VAMP1: variants seen among roughly 807,000 people sequenced by gnomAD.
The protein encoded by VAMP1 is vesicle associated membrane protein 1.
In VAMP1, 16 loss-of-function variants were observed where a neutral mutation model predicts 19.1. That is an observed-to-expected ratio of 0.84 (90% CI 0.57 to 1.27). The LOEUF (loss-of-function observed/expected upper bound fraction) is 1.27. VAMP1 is among the 50% of genes most tolerant of loss of function. The pLI, the probability that VAMP1 is intolerant of heterozygous loss-of-function variation, is 0.00. For synonymous variants in VAMP1, 37 were observed against 50.2 expected (o/e 0.74, Z 1.11); for missense variants, 109 against 145.4 (o/e 0.75, Z 1.29).
chr12:6,464,601 C>T (rs756331634), intron 4 of VAMP1, 115 bp from the exon 5 acceptor site: 74 of 1,458,700 alleles, frequency 5.1e-5, no homozygotes, highest in Non-Finnish European at 6.5e-5. Context: ...TTAAGTGCCC[C>T]ATCCCCATGG....
At chr12:6,470,427 T>A in intron 1 of VAMP1, 103 bp downstream of exon 1, 2 of 1,558,556 alleles carry the variant, frequency 1.3e-6, no homozygotes, top group Non-Finnish European at 1.8e-6. Flanking sequence ...TTCCCCGCGT[T>A]GCTGCAGCTG....
In VAMP1 at chr12:6,470,600, C is replaced by A; in HGVS notation, c.-69G>T. Reference sequence around the variant, plus strand: ...GCGGCGAGACACCCGGTGAGGGACGCTGCGGCTGAAGTGGACGGAACTGCC... The same window carrying A: ...GCGGCGAGACACCCGGTGAGGGACGATGCGGCTGAAGTGGACGGAACTGCC... On this transcript the variant is annotated 5_prime_UTR_variant, in exon 1 of 5. Transcript: ENST00000396308. 1 of 1,604,064 alleles carries A rather than the reference C, an allele frequency of 6.2e-7. No homozygotes were observed. Among genetic ancestry groups the A allele is most frequent in the Non-Finnish European group, 8.5e-7 (1 of 1,172,394 alleles).
In VAMP1 at chr12:6,462,576, GAA is replaced by G. The variant is rs1949904550; in HGVS notation, c.*1892_*1893del. 3.6e-6 allele frequency: 2 copies of G among 562,642 alleles called. No homozygotes were observed. The highest frequency in any genetic ancestry group is 3.1e-6 in the Non-Finnish European group (1 of 319,378). The allele number at this position is 562,642 out of a possible 1,614,324, so 34.9% of individuals were successfully genotyped here. On this transcript the variant is annotated 3_prime_UTR_variant, in exon 5 of 5. Transcript: ENST00000396308. The stretch of plus-strand genomic sequence containing the variant: ...TACAGGGTGGGTGAGAAAGAAAGTA[GAA>G]GGGCTAATACCCCCAAAGAACAAGG...
chr12:6,463,431 G>A lies in VAMP1; in HGVS notation c.*1039C>T. On this transcript the variant is annotated 3_prime_UTR_variant, in exon 5 of 5. Coordinates refer to ENST00000396308, the MANE Select transcript of VAMP1 (RefSeq NM_014231.5). The surrounding 1 kb of genome is among the most constrained non-coding windows in gnomAD (Gnocchi z 4.0). The stretch of plus-strand genomic sequence containing the variant: ...CCCTGTCTTTGGCAAGTGCACGGGT[G>A]GTGTGGAGGAAAGGATTCCATGGGT... 6.7e-6 allele frequency: 7 copies of A among 1,047,892 alleles called. No homozygotes were observed. The highest frequency in any genetic ancestry group is 8.1e-6 in the Non-Finnish European group (7 of 866,894). The allele number at this position is 1,047,892 out of a possible 1,614,324, so 64.9% of individuals were successfully genotyped here. A position where few individuals can be genotyped will look rare whatever the true frequency, so the allele number is the denominator to read the frequency against.
chr12:6,468,150 G>A lies in VAMP1; in HGVS notation c.3-1799C>T, dbSNP rs536732216. Reference sequence around the variant, plus strand: ...TCACCATTCTCCAGACCCCAGAATGGTAGATCCACTGGTAGCTTGCACCGT... The same window carrying A: ...TCACCATTCTCCAGACCCCAGAATGATAGATCCACTGGTAGCTTGCACCGT... On this transcript the variant is annotated intron_variant, in intron 1 of 4. Coordinates refer to ENST00000396308, the MANE Select transcript of VAMP1 (RefSeq NM_014231.5). 2.0e-5 allele frequency among the ~76,000 whole-genome samples: 3 copies of A among 152,344 alleles called. No individual in the cohort carries two copies. The East Asian group carries it at 5.8e-4, about 29-fold the overall frequency.
intron 2 of VAMP1, 103 bp from the exon 3 acceptor site, chr12:6,466,103 G>A: frequency 6.2e-7 from 1 of 1,609,922 alleles, no homozygotes; most frequent in Non-Finnish European, 8.5e-7. Context: ...ACTCTAAAGG[G>A]TGCTTTGCCT....
In VAMP1 at chr12:6,467,575, C is replaced by A. The variant is rs574495176; in HGVS notation, c.3-1224G>T. ...AAAGACGCAGTACTAAAGAAAAAAA[C>A]CATTTTTTTGAGAAGAAATTCAAGG... On this transcript the variant is annotated intron_variant, in intron 1 of 4. Transcript: ENST00000396308. Among the ~76,000 whole-genome samples, 179 of 152,296 alleles carry A rather than the reference C, an allele frequency of 1.2e-3. 1 individual carries two copies. The highest frequency in any genetic ancestry group is 4.1e-3 in the African/African-American group (169 of 41,558).
chr12:6,465,388 A>ATATATACATATGTATATATATG (rs1565526089), intron 3 of VAMP1: 1 of 75,522 alleles, frequency 1.3e-5, no homozygotes, highest in African/African-American at 6.1e-5. Flanking sequence ...ATATATATGT[A>ATATATACATATGTATATATATG]TATATATATA....
At chr12:6,464,655 T>C in intron 4 of VAMP1, 169 bp from the exon 5 acceptor site, 1 of 1,458,678 alleles carries the variant, frequency 6.9e-7, no homozygotes, top group African/African-American at 1.4e-5. Context: ...TAGCCCCACT[T>C]CCTCAGAACA....
chr12:6,462,681 A>G lies in VAMP1; in HGVS notation c.*1789T>C. On this transcript the variant is annotated 3_prime_UTR_variant, in exon 5 of 5. Transcript: ENST00000396308. The stretch of plus-strand genomic sequence containing the variant: ...TGATAGGGCTGGGAGAGCCAAGAGG[A>G]CGGATTCGCTCCAGGCTTGGGACAC... 1 of 832,492 alleles carries G rather than the reference A, an allele frequency of 1.2e-6. No individual in the cohort carries two copies. Among genetic ancestry groups the G allele is most frequent in the Non-Finnish European group, 1.9e-6 (1 of 536,438 alleles). The allele number at this position is 832,492 out of a possible 1,614,324, so 51.6% of individuals were successfully genotyped here.
chr12:6,470,363 T>C (rs556665173), intron 1 of VAMP1, among the ~76,000 whole-genome samples, 167 bp downstream of exon 1: 107 of 151,900 alleles, frequency 7.0e-4, no homozygotes, highest in Non-Finnish European at 1.3e-3. Flanking sequence ...GAGAATGGGG[T>C]GCTGGCCCCC....
intron 3 of VAMP1, chr12:6,465,388 ATATATATATATAAATGTATATATATG>A (rs1320874621): frequency 1.3e-5 from 1 of 75,522 alleles, no homozygotes; most frequent in Non-Finnish European, 2.5e-5. Flanking sequence ...ATATATATGT[ATATATATATATAAATGTATATATATG>A]TATATATATA....
At position 6,466,132 on chromosome 12, in the gene VAMP1, TCTC is replaced by T. The variant is rs546676031; in HGVS notation, c.129+90_129+92del. ...TTTGCCTCTCAGGGCCTTTGACTAT[TCTC>T]CTACGAAAAAAGGAGAAAAGATAAG... On this transcript the variant is annotated intron_variant, in intron 2 of 4. Coordinates refer to ENST00000396308, the MANE Select transcript of VAMP1 (RefSeq NM_014231.5). 7.7e-3 allele frequency: 12,350 copies of T among 1,611,746 alleles called. 115 individuals carry two copies. Among genetic ancestry groups the T allele is most frequent in the Non-Finnish European group, 7.5e-3 (8,877 of 1,178,872 alleles).
At chr12:6,465,748 C>T (rs1296869592) in intron 3 of VAMP1, 94 bp downstream of exon 3, 82 of 1,500,620 alleles carry the variant, frequency 5.5e-5, no homozygotes, top group Non-Finnish European at 7.0e-5. Flanking sequence ...AGATCCTGCA[C>T]CATTAGAGGG....
chr12:6,466,314 C>G lies in VAMP1; in HGVS notation c.40G>C (p.Gly14Arg). ...GGGGGACCCCCACCTGGGGCAGTCC[C>G]TTCTGTCCCTTCAGCAGGTGGCTGA... ...PAQPPAEGTE[G>R]TAPGGGPPGP... The change falls in exon 2 of 5, where the codon GGG becomes CGG. Residue 14 changes from glycine to arginine, a missense_variant. Transcript: ENST00000396308. 1 of 1,614,074 alleles carries G rather than the reference C, an allele frequency of 6.2e-7. No individual in the cohort carries two copies. Among genetic ancestry groups the G allele is most frequent in the African/African-American group, 1.3e-5 (1 of 75,046 alleles).
chr12:6,462,700 G>T lies in VAMP1; in HGVS notation c.*1770C>A. The T allele has an allele frequency of 1.0e-6, 1 of 978,276 alleles. No individual in the cohort carries two copies. Among genetic ancestry groups the T allele is most frequent in the Non-Finnish European group, 1.5e-6 (1 of 665,220 alleles). The allele number at this position is 978,276 out of a possible 1,614,324, so 60.6% of individuals were successfully genotyped here. On this transcript the variant is annotated 3_prime_UTR_variant, in exon 5 of 5. Transcript: ENST00000396308. ...AAGAGGACGGATTCGCTCCAGGCTT[G>T]GGACACATCGAGGACAGTGGTGGTT... is the stretch of plus-strand genomic sequence containing the variant.
chr12:6,466,763 A>C, intron 1 of VAMP1: 1 of 173,310 alleles, frequency 5.8e-6, no homozygotes. Context: ...CAACTCAAAC[A>C]AGTCCTCTGC....
chr12:6,470,643 G>T lies in VAMP1; in HGVS notation c.-112C>A. The T allele has an allele frequency of 6.9e-7, 1 of 1,455,098 alleles. No homozygotes were observed. Among genetic ancestry groups the T allele is most frequent in the Non-Finnish European group, 9.5e-7 (1 of 1,050,076 alleles). 90.1% of individuals were successfully genotyped at this position (1,455,098 alleles called of 1,614,324 possible). ...GAACTGCCAAGCTCCGCCTCGCGCC[G>T]ACTACCCCGCGGTCTAGCTGCGCTG... On this transcript the variant is annotated 5_prime_UTR_variant, in exon 1 of 5. Coordinates refer to ENST00000396308, the MANE Select transcript of VAMP1 (RefSeq NM_014231.5).
At position 6,463,332 on chromosome 12, in the gene VAMP1, G is replaced by A. The variant is rs1481299025; in HGVS notation, c.*1138C>T. The stretch of plus-strand genomic sequence containing the variant: ...AGGCTGGCACGCCTCCCCCCAAGGT[G>A]GGGCTGGTGGGTCTACATGACTTCT... On this transcript the variant is annotated 3_prime_UTR_variant, in exon 5 of 5. Coordinates refer to ENST00000396308, the MANE Select transcript of VAMP1 (RefSeq NM_014231.5). This position sits in a 1 kb window ranked among gnomAD's most constrained non-coding sequence, Gnocchi z 4.0. 1 of 1,173,552 alleles carries A rather than the reference G, an allele frequency of 8.5e-7. No homozygotes were observed. Among genetic ancestry groups the A allele is most frequent in the Non-Finnish European group, 1.1e-6 (1 of 942,934 alleles). The allele number at this position is 1,173,552 out of a possible 1,614,324, so 72.7% of individuals were successfully genotyped here.
Sources: gnomAD v4.1 joint callset for allele counts (sites outside exome capture counted in the v4.1 genomes callset) on GRCh38, gnomAD v4.1.1 for gene constraint, Gnocchi (gnomAD v3.1) non-coding constraint, MANE v1.5 for transcripts, NCBI Gene and HGNC (gene_info 2026-07-23, HGNC 2026-07-21) for gene names.